Variants in SCAPER observed in about 807,000 individuals in gnomAD.
The protein encoded by SCAPER is S phase cyclin A-associated protein in the endoplasmic reticulum.
SCAPER carries 98 observed loss-of-function variants against 182.2 expected under a neutral mutation model. That is an observed-to-expected ratio of 0.54 (90% CI 0.46 to 0.64). The LOEUF (loss-of-function observed/expected upper bound fraction) is 0.64. Among genes scored for constraint, SCAPER ranks in the 30% least tolerant of loss-of-function variants. SCAPER has a pLI of 0.00. For missense variants in SCAPER, 1,432 were observed against 1,690.0 expected (o/e 0.85, Z 2.68); for synonymous variants, 605 against 564.6 (o/e 1.07, Z -1.01).
At chr15:76,741,900 G>A (rs1181436273) in intron 15 of SCAPER, among the ~76,000 whole-genome samples, 1 of 152,012 alleles carries the variant, frequency 6.6e-6, no homozygotes, top group Non-Finnish European at 1.5e-5. Context: ...TTGAAGGTAG[G>A]GCTAAAGATT....
intron 1 of SCAPER, among the ~76,000 whole-genome samples, chr15:76,888,349 C>T (rs988280676): frequency 3.3e-5 from 5 of 152,098 alleles, no homozygotes; most frequent in Admixed American, 6.5e-5. Flanking sequence ...AAGTAGGCTT[C>T]GGAAGGTCGG....
chr15:76,526,998 A>T (rs937807119), intron 23 of SCAPER, among the ~76,000 whole-genome samples: 1 of 151,954 alleles, frequency 6.6e-6, no homozygotes, highest in African/African-American at 2.4e-5. Context: ...CAGCCTCCCA[A>T]GTAGCTCGGA....
chr15:76,546,244 T>C (rs2045270599), intron 23 of SCAPER, among the ~76,000 whole-genome samples: 1 of 152,214 alleles, frequency 6.6e-6, no homozygotes. Flanking sequence ...GGATGTTTTA[T>C]GTTATTGAGT....
chr15:76,572,749 G>A (rs1422315483), intron 23 of SCAPER, among the ~76,000 whole-genome samples: 1 of 152,100 alleles, frequency 6.6e-6, no homozygotes, highest in African/African-American at 2.4e-5. Flanking sequence ...GCAGGAGCTG[G>A]GGGCAGCAAT....
intron 8 of SCAPER, among the ~76,000 whole-genome samples, chr15:76,778,581 T>C (rs2063887239): frequency 6.6e-6 from 1 of 151,896 alleles, no homozygotes; most frequent in South Asian, 2.1e-4. Flanking sequence ...ATATCCAAAT[T>C]AAATCACACA....
chr15:76,433,932 T>C (rs2047025667), intron 26 of SCAPER, 146 bp downstream of exon 26: 2 of 645,890 alleles, frequency 3.1e-6, no homozygotes, highest in African/African-American at 1.8e-5. Flanking sequence ...CTGAGAAATA[T>C]TTACAAGGTA....
At chr15:76,537,244 G>A (rs910522863) in intron 23 of SCAPER, among the ~76,000 whole-genome samples, 3 of 150,326 alleles carry the variant, frequency 2.0e-5, no homozygotes, top group African/African-American at 7.3e-5. Context: ...AACCAAAAAA[G>A]AGCCCGCATC....
At chr15:76,650,098 A>G (rs748177164) in intron 21 of SCAPER, among the ~76,000 whole-genome samples, 3 of 152,170 alleles carry the variant, frequency 2.0e-5, no homozygotes, top group Non-Finnish European at 4.4e-5. Context: ...AGGTTCTACA[A>G]TAGTAACTGA....
chr15:76,886,290 G>A (rs1352158243), intron 1 of SCAPER, among the ~76,000 whole-genome samples: 1 of 152,124 alleles, frequency 6.6e-6, no homozygotes, highest in Non-Finnish European at 1.5e-5. Flanking sequence ...GACCAGCCTG[G>A]GCAACATGGC....
At chr15:76,542,242 G>C (rs1452645691) in intron 23 of SCAPER, among the ~76,000 whole-genome samples, 1 of 152,112 alleles carries the variant, frequency 6.6e-6, no homozygotes, top group Non-Finnish European at 1.5e-5. Flanking sequence ...CACAACTCTG[G>C]CTGGGGGCAG....
chr15:76,499,696 A>G (rs750538342), intron 24 of SCAPER, among the ~76,000 whole-genome samples: 2 of 152,196 alleles, frequency 1.3e-5, no homozygotes, highest in Non-Finnish European at 2.9e-5. Context: ...AACCCATTTG[A>G]TATTTTTTTA....
chr15:76,561,220 A>G (rs892899208), intron 23 of SCAPER, among the ~76,000 whole-genome samples: 2 of 152,236 alleles, frequency 1.3e-5, no homozygotes, highest in Non-Finnish European at 2.9e-5. Context: ...TTACTGAGAA[A>G]TAACATCACT....
At chr15:76,764,202 G>A (rs544707221) in intron 14 of SCAPER, among the ~76,000 whole-genome samples, 33 of 152,320 alleles carry the variant, frequency 2.2e-4, no homozygotes, top group South Asian at 6.2e-4. Flanking sequence ...GCCAAAGTGC[G>A]GGGAAGTACA....
intron 25 of SCAPER, among the ~76,000 whole-genome samples, chr15:76,441,211 G>A (rs284885): frequency 0.13 from 18,340 of 144,934 alleles, 1,523 homozygotes; most frequent in African/African-American, 0.24. Flanking sequence ...GTGAGCCACC[G>A]TGCCCAGCCT....
intron 20 of SCAPER, among the ~76,000 whole-genome samples, chr15:76,666,200 G>T (rs1353594321): frequency 6.6e-6 from 1 of 152,172 alleles, no homozygotes; most frequent in African/African-American, 2.4e-5. Flanking sequence ...CTTCAGCAAG[G>T]AAGCACCATA....
intron 23 of SCAPER, among the ~76,000 whole-genome samples, chr15:76,547,306 T>C (rs1056630809): frequency 4.6e-5 from 7 of 152,168 alleles, no homozygotes; most frequent in African/African-American, 1.4e-4. Context: ...TATTGAAATA[T>C]TTATTAGCCA....
rs371232759 is a variant in SCAPER at position 76,800,320 on chromosome 15, C to T, written c.539G>A (p.Arg180His). ...AWEVKKMSPG[R>H]HVIPSPSTDR... ...TGTTGATGGACTTGGAATCACATGGCGTCCCGGAGACATCTTCTTTACTTC... is the reference window on the plus strand; with the variant it reads ...TGTTGATGGACTTGGAATCACATGGTGTCCCGGAGACATCTTCTTTACTTC... Residue 180 changes from arginine to histidine, a missense_variant, in exon 7 of 32, where the codon CGC (arginine) becomes CAC (histidine). By Grantham distance (29) the Arg-to-His change is conservative. Transcript: ENST00000563290. The T allele has an allele frequency of 6.2e-6, 10 of 1,613,164 alleles. No homozygotes were observed. In the East Asian group the frequency reaches 1.6e-4, roughly 25 times the overall value.
chr15:76,567,314 C>G lies in SCAPER; in HGVS notation c.2838+6844G>C, dbSNP rs1421937381. 8.8e-6 allele frequency: 4 copies of G among 453,356 alleles called. No individual in the cohort carries two copies. In the East Asian group the frequency reaches 2.8e-4, roughly 32 times the overall value. The allele number at this position is 453,356 out of a possible 1,614,324, so 28.1% of individuals were successfully genotyped here. A position where few individuals can be genotyped will look rare whatever the true frequency, so the allele number is the denominator to read the frequency against. On this transcript the variant is annotated intron_variant, in intron 23 of 31. Coordinates refer to ENST00000563290, the MANE Select transcript of SCAPER (RefSeq NM_020843.4). ...TGTTGATGGATTCTTGCACTATTTT[C>G]CATATGTGGTGATTATAAACAATGC...
intron 5 of SCAPER, among the ~76,000 whole-genome samples, chr15:76,825,959 G>A (rs1284766638): frequency 6.6e-6 from 1 of 152,120 alleles, no homozygotes; most frequent in African/African-American, 2.4e-5. Flanking sequence ...TGGTCAGGCT[G>A]GTCTCGAACT....
Sources: allele counts gnomAD v4.1 joint callset (sites outside exome capture counted in the v4.1 genomes callset), GRCh38; gene constraint gnomAD v4.1.1; transcripts MANE v1.5; gene names NCBI Gene and HGNC (gene_info 2026-07-23, HGNC 2026-07-21).